The following ACTR1A variants were observed in gnomAD, a reference collection of about 807,000 sequenced individuals.
ACTR1A encodes the protein alpha-centractin.
ACTR1A carries 10 observed loss-of-function variants against 50.7 expected under a neutral mutation model. The ratio of observed to expected loss-of-function variants is 0.20; its 90% CI spans 0.12 to 0.33. The LOEUF (loss-of-function observed/expected upper bound fraction) is 0.33. Among genes scored for constraint, ACTR1A ranks in the 10% least tolerant of loss-of-function variants. The pLI, the probability that ACTR1A is intolerant of heterozygous loss-of-function variation, is 1.00. For missense variants in ACTR1A, 253 were observed against 491.7 expected, an observed-to-expected ratio of 0.51 and a Z score of 4.59; for synonymous variants, 177 against 184.2, an observed-to-expected ratio of 0.96 and a Z score of 0.32.
At chr10:102,490,673 A>C in intron 1 of ACTR1A, 60 bp from the exon 2 acceptor site, 1 of 1,383,660 alleles carries the variant, frequency 7.2e-7, no homozygotes. Context: ...AAGGAAAAAT[A>C]CATTATATGG....
At chr10:102,497,104 C>T (rs1013323684) in intron 1 of ACTR1A, among the ~76,000 whole-genome samples, 6 of 142,420 alleles carry the variant, frequency 4.2e-5, no homozygotes, top group Non-Finnish European at 7.5e-5. Context: ...GCTTGAGCCA[C>T]GGAGGTGGAG....
In ACTR1A at chr10:102,479,605, T is replaced by C. The variant is rs754506534; in HGVS notation, c.*1258A>G. 25 of 1,289,310 alleles carry C rather than the reference T, an allele frequency of 1.9e-5. No homozygotes were observed. The Admixed American group carries it at 2.3e-4, about 12-fold the overall frequency. The allele number at this position is 1,289,310 out of a possible 1,614,324, so 79.9% of individuals were successfully genotyped here. On this transcript the variant is annotated 3_prime_UTR_variant, in exon 11 of 11. Coordinates refer to ENST00000369905, the MANE Select transcript of ACTR1A (RefSeq NM_005736.4). This position sits in a 1 kb window ranked among gnomAD's most constrained non-coding sequence, Gnocchi z 4.0. ...TCCATTAGCTCCTGGCACTCTGGTC[T>C]GGCCCACTCCCTCCTTAACCAAGCA...
Position 102,484,815 on chromosome 10 carries a change from C to T in ACTR1A, c.441-439G>A, listed in dbSNP as rs551050552. Among the ~76,000 whole-genome samples, 13 of 152,284 alleles carry T rather than the reference C, an allele frequency of 8.5e-5. No individual in the cohort carries two copies. The South Asian group carries it at 1.0e-3, about 12-fold the overall frequency. On this transcript the variant is annotated intron_variant, in intron 5 of 10. Coordinates refer to ENST00000369905, the MANE Select transcript of ACTR1A (RefSeq NM_005736.4). ...ACCCTGCTTTACTGGTTTGAGAGCC[C>T]GGGGACCTTTGTCAGCCTCCCTCCA...
chr10:102,492,891 C>T (rs1331815170), intron 1 of ACTR1A, among the ~76,000 whole-genome samples: 1 of 150,812 alleles, frequency 6.6e-6, no homozygotes, highest in Non-Finnish European at 1.5e-5. Context: ...ATCCCAGCTA[C>T]TCAGGGAGGC....
chr10:102,485,760 G>C lies in ACTR1A; in HGVS notation c.316-27C>G, dbSNP rs753361348. On this transcript the variant is annotated intron_variant, in intron 4 of 10. Coordinates refer to ENST00000369905, the MANE Select transcript of ACTR1A (RefSeq NM_005736.4). ...TGGTGAAAGGAGCCCGGGAGACAATGAGGCCAAGGCCAGATTTCCATCTTC... is the reference window on the plus strand; with the variant it reads ...TGGTGAAAGGAGCCCGGGAGACAATCAGGCCAAGGCCAGATTTCCATCTTC... 7.4e-6 allele frequency: 12 copies of C among 1,612,618 alleles called. No individual in the cohort carries two copies. In the South Asian group the frequency reaches 1.3e-4, roughly 18 times the overall value.
intron 1 of ACTR1A, among the ~76,000 whole-genome samples, chr10:102,499,062 G>C (rs757312260): frequency 6.6e-6 from 1 of 152,094 alleles, no homozygotes; most frequent in Non-Finnish European, 1.5e-5. Flanking sequence ...GATGAAAGAC[G>C]TGGTCACAAT....
At chr10:102,484,432 T>C (rs1301735204) in intron 5 of ACTR1A, 56 bp from the exon 6 acceptor site, 2 of 1,430,728 alleles carry the variant, frequency 1.4e-6, no homozygotes, top group East Asian at 4.7e-5. Context: ...TGGGAAGAAA[T>C]ACACTTCTTT....
At chr10:102,493,013 A>AG (rs2062202039) in intron 1 of ACTR1A, among the ~76,000 whole-genome samples, 1 of 149,942 alleles carries the variant, frequency 6.7e-6, no homozygotes, top group African/African-American at 2.4e-5. Context: ...AAAAAAAAAA[A>AG]AAAAAAAAAA....
chr10:102,502,299 A>C (rs184466210), intron 1 of ACTR1A, among the ~76,000 whole-genome samples: 23 of 152,312 alleles, frequency 1.5e-4, no homozygotes, highest in East Asian at 7.7e-4. Flanking sequence ...GAAATGGGGG[A>C]GAGGGCGGGC....
intron 1 of ACTR1A, among the ~76,000 whole-genome samples, chr10:102,497,355 G>T (rs925240227): frequency 8.5e-5 from 13 of 152,054 alleles, no homozygotes; most frequent in Non-Finnish European, 1.6e-4. Context: ...TAGGATGATA[G>T]CACTTAAGTA....
chr10:102,481,278 C>G, intron 9 of ACTR1A, 106 bp from the exon 10 acceptor site: 1 of 1,303,046 alleles, frequency 7.7e-7, no homozygotes, highest in Non-Finnish European at 1.0e-6. Context: ...TTTACACAAG[C>G]CTGAAGCTCT....
intron 1 of ACTR1A, among the ~76,000 whole-genome samples, chr10:102,493,074 C>T (rs2062202730): frequency 6.7e-6 from 1 of 150,062 alleles, no homozygotes; most frequent in Non-Finnish European, 1.5e-5. Flanking sequence ...GCAGGGCAGC[C>T]AGTTCTCTAA....
chr10:102,485,105 A>G (rs1375059126), intron 5 of ACTR1A, among the ~76,000 whole-genome samples: 1 of 152,196 alleles, frequency 6.6e-6, no homozygotes, highest in African/African-American at 2.4e-5. Context: ...GGGTCAAATA[A>G]ATCCCACGTG....
chr10:102,494,049 AC>A (rs2062207791), intron 1 of ACTR1A, among the ~76,000 whole-genome samples: 1 of 152,260 alleles, frequency 6.6e-6, no homozygotes, highest in African/African-American at 2.4e-5. Flanking sequence ...TGCTCAAGCC[AC>A]ACAAATTCTG....
In ACTR1A at chr10:102,484,329, C is replaced by G. The variant is rs768426157; in HGVS notation, c.488G>C (p.Gly163Ala). Residue 163 changes from glycine to alanine, a missense_variant, in exon 6 of 11, where the codon GGA (glycine) becomes GCA (alanine). Physicochemically the swap from Gly to Ala is moderately conservative, Grantham distance 60. This residue lies in a region of ACTR1A where 96 missense variants were observed against 238.7 expected (regional missense o/e 0.40). Transcript: ENST00000369905. ...TTGVVLDSGDGVTHAVPIYEG... is the reference protein window; with the variant it reads ...TTGVVLDSGDAVTHAVPIYEG... ...ATAGATGGGCACAGCATGGGTGACT[C>G]CATCCCCAGAATCCAGCACCACCCC... 2 of 1,614,190 alleles carry G rather than the reference C, an allele frequency of 1.2e-6. No homozygotes were observed. The highest frequency in any genetic ancestry group is 1.7e-6 in the Non-Finnish European group (2 of 1,180,034).
chr10:102,482,249 C>G lies in ACTR1A; in HGVS notation c.751-74G>C. 1 of 1,423,214 alleles carries G rather than the reference C, an allele frequency of 7.0e-7. No individual in the cohort carries two copies. The highest frequency in any genetic ancestry group is 9.7e-7 in the Non-Finnish European group (1 of 1,028,024). The allele number at this position is 1,423,214 out of a possible 1,614,324, so 88.2% of individuals were successfully genotyped here. ...CCTTTGGGAGTGGGAATGGAAGACG[C>G]CCCTCTGCACGTCACTTAGTAACTG... On this transcript the variant is annotated intron_variant, in intron 7 of 10. Coordinates refer to ENST00000369905, the MANE Select transcript of ACTR1A (RefSeq NM_005736.4). This position sits in a 1 kb window ranked among gnomAD's most constrained non-coding sequence, Gnocchi z 5.6.
intron 1 of ACTR1A, among the ~76,000 whole-genome samples, chr10:102,495,354 G>C (rs919755844): frequency 1.3e-5 from 2 of 152,042 alleles, no homozygotes; most frequent in African/African-American, 4.8e-5. Flanking sequence ...CAGATCACGA[G>C]GTCAGGAGAT....
At chr10:102,486,398 G>T (rs1448889800) in intron 4 of ACTR1A, among the ~76,000 whole-genome samples, 1 of 152,086 alleles carries the variant, frequency 6.6e-6, no homozygotes, top group East Asian at 1.9e-4. Flanking sequence ...TAAAAAAACT[G>T]TCTGAAAACA....
chr10:102,501,389 A>G (rs982206518), intron 1 of ACTR1A, among the ~76,000 whole-genome samples: 1 of 152,190 alleles, frequency 6.6e-6, no homozygotes, highest in Non-Finnish European at 1.5e-5. Flanking sequence ...CAAGAGCTGA[A>G]TCAACAAAGG....
Sources: allele counts gnomAD v4.1 joint callset (sites outside exome capture counted in the v4.1 genomes callset), GRCh38; gene constraint gnomAD v4.1.1; regional missense constraint gnomAD v4.1.1; non-coding constraint Gnocchi (gnomAD v3.1); transcripts MANE v1.5; gene names NCBI Gene and HGNC (gene_info 2026-07-23, HGNC 2026-07-21).